Variants in NCALD observed in about 807,000 individuals in gnomAD.
NCALD encodes neurocalcin-delta.
In NCALD, 10 loss-of-function variants were observed where a neutral mutation model predicts 18.6. The ratio of observed to expected loss-of-function variants is 0.54; its 90% confidence interval spans 0.33 to 0.91. NCALD has a LOEUF of 0.91. NCALD is among the 40% of genes least tolerant of loss of function. The pLI is 0.03. For missense variants in NCALD, 184 were observed against 247.6 expected (o/e 0.74, Z 1.72); for synonymous variants, 88 against 87.4 (o/e 1.01, Z -0.04).
At chr8:101,933,354 T>C (rs1203276457) in intron 2 of NCALD, among the ~76,000 whole-genome samples, 2 of 152,148 alleles carry the variant, frequency 1.3e-5, no homozygotes, top group South Asian at 2.1e-4. Context: ...GAAGCGGAGA[T>C]TGGCAGGATG....
chr8:101,775,856 T>C (rs762720201), intron 1 of NCALD, among the ~76,000 whole-genome samples: 46 of 152,188 alleles, frequency 3.0e-4, no homozygotes, highest in Non-Finnish European at 7.4e-5. Flanking sequence ...CACTAGCCTA[T>C]TAGGATAACC....
intron 2 of NCALD, among the ~76,000 whole-genome samples, chr8:101,707,293 G>T (rs1344572744): frequency 3.9e-5 from 6 of 152,132 alleles, no homozygotes; most frequent in African/African-American, 1.4e-4. Context: ...CCCTTATTTT[G>T]ATCCTCTGTG....
intron 2 of NCALD, among the ~76,000 whole-genome samples, chr8:101,935,527 G>C (rs2131726503): frequency 6.6e-6 from 1 of 152,274 alleles, no homozygotes; most frequent in African/African-American, 2.4e-5. Flanking sequence ...AACAAAAAGG[G>C]AGTAATCCGT....
intron 2 of NCALD, among the ~76,000 whole-genome samples, chr8:101,711,098 C>A (rs1401389117): frequency 6.6e-6 from 1 of 152,144 alleles, no homozygotes; most frequent in Non-Finnish European, 1.5e-5. Flanking sequence ...TATTCTGCAG[C>A]CTCTGCTGGT....
rs1815153263 is a variant in NCALD at position 101,852,844 on chromosome 8, T to C, written c.-20+34297A>G. The stretch of plus-strand genomic sequence containing the variant: ...ATTGGGAATTCAAGCCTAATGATGT[T>C]TGGTATTCCCATTTTCAAAAGAAGT... On this transcript the variant is annotated intron_variant, in intron 4 of 6. Coordinates refer to the NCALD transcript ENST00000311028. Among the ~76,000 whole-genome samples the C allele has an allele frequency of 2.0e-5, 3 of 152,182 alleles. No homozygotes were observed. The South Asian group carries it at 6.2e-4, about 32-fold the overall frequency.
chr8:101,898,328 C>G (rs1054154533), intron 3 of NCALD, among the ~76,000 whole-genome samples: 1 of 152,122 alleles, frequency 6.6e-6, no homozygotes, highest in Non-Finnish European at 1.5e-5. Context: ...ATTTGCCATC[C>G]AAATATCATT....
At chr8:102,008,916 C>CCACACACACACA (rs1821804749) in intron 2 of NCALD, among the ~76,000 whole-genome samples, 2 of 21,228 alleles carry the variant, frequency 9.4e-5, no homozygotes, top group African/African-American at 2.5e-4. Context: ...CCCCGCCCCC[C>CCACACACACACA]TACACACACA....
chr8:102,069,065 CCAAAGGG>C (rs1824099016), intron 1 of NCALD, among the ~76,000 whole-genome samples: 1 of 151,870 alleles, frequency 6.6e-6, no homozygotes, highest in Non-Finnish European at 1.5e-5. Context: ...GAGATGTTGT[CCAAAGGG>C]TGCAAAGTTT....
intron 4 of NCALD, among the ~76,000 whole-genome samples, chr8:101,816,071 A>G (rs1234107884): frequency 2.6e-5 from 4 of 152,200 alleles, no homozygotes; most frequent in Admixed American, 2.6e-4. Context: ...TTCCAACTAT[A>G]AGACGTTATT....
chr8:101,835,939 G>C (rs1055621616), intron 4 of NCALD, among the ~76,000 whole-genome samples: 1 of 152,010 alleles, frequency 6.6e-6, no homozygotes. Flanking sequence ...ACAACCCCTG[G>C]AAGTCTAGAA....
chr8:101,892,125 T>C (rs1446171984), intron 3 of NCALD, among the ~76,000 whole-genome samples: 1 of 151,014 alleles, frequency 6.6e-6, no homozygotes, highest in Non-Finnish European at 1.5e-5. Context: ...CTGACAGCTT[T>C]GAAGAGAGCA....
chr8:101,715,490 G>A (rs1286940184), intron 2 of NCALD, among the ~76,000 whole-genome samples: 1 of 152,078 alleles, frequency 6.6e-6, no homozygotes, highest in Non-Finnish European at 1.5e-5. Flanking sequence ...AAACTAAAGA[G>A]CTTCTGCACA....
rs373928226 is a variant in NCALD, at chr8:101,758,466, A to G, written c.-20+32396T>C. On this transcript the variant is annotated intron_variant, in intron 1 of 3. Transcript: ENST00000220931. Reference sequence around the variant, plus strand: ...AAATACTGTCTTGAGCACTTTATATAACACTGCAGTATTTCCTTGAATCCC... The same window carrying G: ...AAATACTGTCTTGAGCACTTTATATGACACTGCAGTATTTCCTTGAATCCC... Among the ~76,000 whole-genome samples, 80 of 152,356 alleles carry G rather than the reference A, an allele frequency of 5.3e-4. No individual in the cohort carries two copies. The South Asian group carries it at 0.016, about 30-fold the overall frequency.
At chr8:101,738,509 A>G (rs1810028228) in intron 1 of NCALD, among the ~76,000 whole-genome samples, 1 of 148,918 alleles carries the variant, frequency 6.7e-6, no homozygotes, top group African/African-American at 2.5e-5. Flanking sequence ...GCGCCACTGC[A>G]CTCCAGCCTG....
At chr8:101,897,678 G>A (rs1817252731) in intron 3 of NCALD, among the ~76,000 whole-genome samples, 5 of 152,208 alleles carry the variant, frequency 3.3e-5, no homozygotes, top group South Asian at 2.1e-4. Context: ...TCTGGAATAA[G>A]TGTCCAGGAG....
At chr8:101,734,227 A>G (rs141558893) in intron 1 of NCALD, among the ~76,000 whole-genome samples, 55 of 151,696 alleles carry the variant, frequency 3.6e-4, no homozygotes, top group African/African-American at 1.3e-3. Context: ...TTCCAACTCA[A>G]CCTCTCCCAT....
intron 4 of NCALD, among the ~76,000 whole-genome samples, chr8:101,800,185 T>C (rs1812787100): frequency 6.6e-6 from 1 of 152,146 alleles, no homozygotes. Context: ...GAAATACTAA[T>C]TTTATAAAAT....
chr8:101,880,303 A>C (rs968702581), intron 4 of NCALD, among the ~76,000 whole-genome samples: 22 of 152,074 alleles, frequency 1.4e-4, no homozygotes, highest in Non-Finnish European at 2.9e-4. Flanking sequence ...TGCGGGGCCC[A>C]CTGAGCCCGA....
At chr8:102,104,982 G>T (rs1825399819) in intron 1 of NCALD, among the ~76,000 whole-genome samples, 1 of 152,214 alleles carries the variant, frequency 6.6e-6, no homozygotes, top group Non-Finnish European at 1.5e-5. Flanking sequence ...GAACAGATAA[G>T]CCTGGAGCTT....
Sources: gnomAD v4.1 joint callset for allele counts (sites outside exome capture counted in the v4.1 genomes callset) on GRCh38, gnomAD v4.1.1 for gene constraint, MANE v1.5 for transcripts, NCBI Gene and HGNC (gene_info 2026-07-23, HGNC 2026-07-21) for gene names.